The following ADAM12 variants were observed in gnomAD, a reference collection of about 807,000 sequenced individuals.
The protein encoded by ADAM12 is disintegrin and metalloproteinase domain-containing protein 12.
In ADAM12, 70 loss-of-function variants were observed where a neutral mutation model predicts 106.4. That is an observed-to-expected ratio of 0.66 (90% confidence interval 0.54 to 0.80). The LOEUF (loss-of-function observed/expected upper bound fraction) is 0.80, where lower values mean the gene tolerates loss of function less well. ADAM12 is among the 30% of genes least tolerant of loss of function. ADAM12 has a pLI of 0.00. For synonymous variants in ADAM12, 420 were observed against 433.5 expected (o/e 0.97, Z 0.39); for missense variants, 1,010 against 1,171.9 (o/e 0.86, Z 2.02).
chr10:126,219,130 C>A (rs569307460), intron 3 of ADAM12, among the ~76,000 whole-genome samples: 1 of 152,346 alleles, frequency 6.6e-6, no homozygotes, highest in African/African-American at 2.4e-5. Flanking sequence ...GTACAACTCT[C>A]ATGGCTCAGG....
At chr10:126,086,092 G>A (rs950807041) in intron 11 of ADAM12, among the ~76,000 whole-genome samples, 11 of 152,172 alleles carry the variant, frequency 7.2e-5, no homozygotes, top group South Asian at 4.1e-4. Flanking sequence ...CTGGGTTAAC[G>A]AGCCAGTGAC....
At chr10:126,190,706 A>G (rs558550859) in intron 3 of ADAM12, among the ~76,000 whole-genome samples, 2 of 152,244 alleles carry the variant, frequency 1.3e-5, no homozygotes, top group South Asian at 4.2e-4. Flanking sequence ...TGAAAATGAG[A>G]AGGTGGTGAG....
intron 21 of ADAM12, among the ~76,000 whole-genome samples, chr10:126,021,506 C>G (rs558096002): frequency 9.2e-5 from 14 of 152,280 alleles, no homozygotes; most frequent in South Asian, 4.2e-4. Flanking sequence ...TGAGTTGGAA[C>G]AACGGACACA....
In ADAM12 at chr10:126,163,561, A is replaced by G. The variant is rs1956973810; in HGVS notation, c.261-8256T>C. On this transcript the variant is annotated intron_variant, in intron 3 of 22. Transcript: ENST00000448723. ...AAATTGCTTTCAGATCAATATTGAA[A>G]TTATCCAACTTTAACTTTACCCTTA... Among the ~76,000 whole-genome samples, 2 of 152,032 alleles carry G rather than the reference A, an allele frequency of 1.3e-5. 1 individual carries two copies. The highest frequency in any genetic ancestry group is 1.3e-4 in the Admixed American group (2 of 15,284).
At chr10:126,166,546 G>A (rs2133753341) in intron 3 of ADAM12, among the ~76,000 whole-genome samples, 1 of 152,032 alleles carries the variant, frequency 6.6e-6, no homozygotes, top group South Asian at 2.1e-4. Context: ...TCACCAGGCT[G>A]GAGTGCAGTG....
chr10:126,049,503 C>T lies in ADAM12; in HGVS notation c.1719-52G>A. 1 of 1,613,628 alleles carries T rather than the reference C, an allele frequency of 6.2e-7. No homozygotes were observed. Among genetic ancestry groups the T allele is most frequent in the Non-Finnish European group, 8.5e-7 (1 of 1,179,530 alleles). On this transcript the variant is annotated intron_variant, in intron 15 of 22. Transcript: ENST00000448723. The surrounding 1 kb of genome is among the most constrained non-coding windows in gnomAD (Gnocchi z 4.4). ...CAAGGAGAAACCATTTGGAACCAAC[C>T]CTATGCAATGTGGGAAGGTCAGAGC...
intron 3 of ADAM12, among the ~76,000 whole-genome samples, chr10:126,239,964 C>T (rs140212298): frequency 2.8e-3 from 428 of 152,332 alleles, no homozygotes; most frequent in African/African-American, 9.7e-3. Flanking sequence ...GTGTCCACTG[C>T]CGTGCCCCCT....
intron 3 of ADAM12, among the ~76,000 whole-genome samples, chr10:126,265,303 A>C (rs940791851): frequency 6.6e-6 from 1 of 152,228 alleles, no homozygotes; most frequent in East Asian, 1.9e-4. Context: ...TTGATGAGGG[A>C]AAGTTCTTCT....
intron 3 of ADAM12, among the ~76,000 whole-genome samples, chr10:126,249,415 C>A (rs1405691921): frequency 6.6e-6 from 1 of 152,182 alleles, no homozygotes; most frequent in Non-Finnish European, 1.5e-5. Flanking sequence ...AAAACCAACA[C>A]CAGGCGGGGC....
chr10:126,353,598 C>T (rs558330639), intron 1 of ADAM12, among the ~76,000 whole-genome samples: 5 of 152,314 alleles, frequency 3.3e-5, no homozygotes, highest in Admixed American at 2.0e-4. Flanking sequence ...TGCTGAGTAT[C>T]TCAACCTGTT....
rs1954435720 is a variant in ADAM12 at position 126,049,986 on chromosome 10, A to AGGTG, written c.1610-321_1610-318dup. Among the ~76,000 whole-genome samples, 1 of 129,668 alleles carries AGGTG rather than the reference A, an allele frequency of 7.7e-6. No homozygotes were observed. The highest frequency in any genetic ancestry group is 2.7e-5 in the African/African-American group (1 of 36,916). The allele number at this position is 129,668 out of a possible 152,430, so 85.1% of individuals were successfully genotyped here. A position where few individuals can be genotyped will look rare whatever the true frequency, so the allele number is the denominator to read the frequency against. On this transcript the variant is annotated intron_variant, in intron 14 of 22. Transcript: ENST00000448723. This position sits in a 1 kb window ranked among gnomAD's most constrained non-coding sequence, Gnocchi z 4.4. ...TGAGATCTGATCCAGGGCAGAAAGG[A>AGGTG]GGTGGCTGGCTGGCTGGCTGGCTGG...
At chr10:126,114,607 G>A (rs1212623688) in intron 6 of ADAM12, among the ~76,000 whole-genome samples, 5 of 152,160 alleles carry the variant, frequency 3.3e-5, no homozygotes, top group African/African-American at 1.2e-4. Context: ...AGCCTCCCAG[G>A]TAGCTGGGAT....
chr10:126,169,723 A>G (rs1957086077), intron 3 of ADAM12, among the ~76,000 whole-genome samples: 1 of 152,248 alleles, frequency 6.6e-6, no homozygotes, highest in Non-Finnish European at 1.5e-5. Context: ...AGAATAGAAA[A>G]TATACTTTAC....
chr10:126,355,292 C>T (rs1855499193), intron 1 of ADAM12, among the ~76,000 whole-genome samples: 1 of 152,278 alleles, frequency 6.6e-6, no homozygotes, highest in African/African-American at 2.4e-5. Context: ...AGACTAAATT[C>T]TTCTGACAGG....
rs1266736340 is a variant in ADAM12 at position 126,288,152 on chromosome 10, C to T, written c.187-9164G>A. 2.6e-5 allele frequency among the ~76,000 whole-genome samples: 4 copies of T among 152,098 alleles called. No homozygotes were observed. In the East Asian group the frequency reaches 7.7e-4, roughly 29 times the overall value. On this transcript the variant is annotated intron_variant, in intron 2 of 22. Coordinates refer to ENST00000448723, the MANE Select transcript of ADAM12 (RefSeq NM_001288973.2). ...ACCTGCGGGCTGTCTGCTTGCCTCA[C>T]CCTAGGAGGCCAACGTCCTCTGTGG...
intron 1 of ADAM12, among the ~76,000 whole-genome samples, chr10:126,373,377 A>G (rs1237743110): frequency 6.6e-6 from 1 of 152,174 alleles, no homozygotes; most frequent in Non-Finnish European, 1.5e-5. Context: ...GCTTGGCCCC[A>G]TCATTAGCAC....
intron 3 of ADAM12, among the ~76,000 whole-genome samples, chr10:126,192,934 G>A (rs1957529860): frequency 1.3e-5 from 2 of 152,198 alleles, no homozygotes; most frequent in African/African-American, 2.4e-5. Flanking sequence ...TTTGCCAAAG[G>A]GGCATTGTAA....
chr10:126,332,874 A>G (rs1247946218), intron 1 of ADAM12, among the ~76,000 whole-genome samples: 1 of 152,242 alleles, frequency 6.6e-6, no homozygotes, highest in Non-Finnish European at 1.5e-5. Context: ...GTTGGAATGC[A>G]GAGAAACAAA....
Position 126,258,952 on chromosome 10 carries a change from C to G in ADAM12, c.260+19963G>C, listed in dbSNP as rs145364069. 7.6e-3 allele frequency among the ~76,000 whole-genome samples: 1,165 copies of G among 152,318 alleles called. 19 individuals carry two copies. Among genetic ancestry groups the G allele is most frequent in the African/African-American group, 0.026 (1,091 of 41,562 alleles). On this transcript the variant is annotated intron_variant, in intron 3 of 22. Transcript: ENST00000448723. ...TCTTTGAGGTCAAGGGCTGTTTCCC[C>G]CCTGTTCCCTACCGTGTCCCCAGTG...
Sources: gnomAD v4.1 joint callset for allele counts (sites outside exome capture counted in the v4.1 genomes callset) on GRCh38, gnomAD v4.1.1 for gene constraint, Gnocchi (gnomAD v3.1) non-coding constraint, MANE v1.5 for transcripts, NCBI Gene and HGNC (gene_info 2026-07-23, HGNC 2026-07-21) for gene names.